POLA2: variants seen among roughly 807,000 people sequenced by gnomAD.
POLA2 encodes the protein DNA polymerase alpha 2, accessory subunit, also known as DNA polymerase alpha subunit B.
A neutral mutation model predicts 82.8 loss-of-function variants in POLA2; 47 were observed. The observed-to-expected ratio is 0.57, with a 90% confidence interval of 0.45 to 0.72. The LOEUF (loss-of-function observed/expected upper bound fraction) is 0.72, where lower values mean the gene tolerates loss of function less well. Ranked by LOEUF, POLA2 falls within the 30% of genes least tolerant of loss-of-function variation. The pLI, the probability that POLA2 is intolerant of heterozygous loss-of-function variation, is 0.00. For missense variants in POLA2, 634 were observed against 728.1 expected (o/e 0.87, Z 1.49); for synonymous variants, 287 against 286.8 (o/e 1.00, Z -0.01).
intron 5 of POLA2, among the ~76,000 whole-genome samples, chr11:65,277,875 C>T (rs76653319): frequency 2.0e-5 from 3 of 152,134 alleles, no homozygotes; most frequent in Non-Finnish European, 4.4e-5. Context: ...AAACTATTCA[C>T]GTAGAGGTGG....
chr11:65,295,866 A>G lies in POLA2; in HGVS notation c.1523A>G (p.Tyr508Cys). Residue 508 changes from tyrosine to cysteine, a missense_variant and splice_region_variant, in exon 17 of 18, where the codon TAC (tyrosine) becomes TGC (cysteine). By Grantham distance (194) the Tyr-to-Cys change is radical (BLOSUM62 -2). Coordinates refer to ENST00000265465, the MANE Select transcript of POLA2 (RefSeq NM_002689.4). ...ACAATTTCTCTCTGTCTCTGTAGCTACTACCCACTCTACCCGCCCCAAGAA... is the reference window on the plus strand; with the variant it reads ...ACAATTTCTCTCTGTCTCTGTAGCTGCTACCCACTCTACCCGCCCCAAGAA... ...ILKHILTQRS[Y>C]YPLYPPQEDM... 1.9e-6 allele frequency: 3 copies of G among 1,611,130 alleles called. No homozygotes were observed. The highest frequency in any genetic ancestry group is 1.1e-5 in the South Asian group (1 of 91,030).
In POLA2 at chr11:65,294,231, C is replaced by T; in HGVS notation, c.1323C>T (p.Ser441=). 6.2e-7 allele frequency: 1 copy of T among 1,614,118 alleles called. No individual in the cohort carries two copies. Among genetic ancestry groups the T allele is most frequent in the Non-Finnish European group, 8.5e-7 (1 of 1,179,976 alleles). The change falls in exon 14 of 18, where the codon AGC becomes AGT. Residue 441 remains serine (S), a synonymous_variant. Transcript: ENST00000265465. ...CTGTGTACCCCCAGCCGCCTTTCAGCTACTCCGATCTGTCTCGAGAGGACA... is the reference window on the plus strand; with the variant it reads ...CTGTGTACCCCCAGCCGCCTTTCAGTTACTCCGATCTGTCTCGAGAGGACA... ...HEPVYPQPPF[S]YSDLSREDKK... is the part of the protein sequence containing the mutation.
At chr11:65,298,842 C>T (rs1949840702), downstream of POLA2, among the ~76,000 whole-genome samples, 1 of 152,210 alleles carries the variant, frequency 6.6e-6, no homozygotes, top group Non-Finnish European at 1.5e-5. Context: ...CATGACTTGT[C>T]AGCCTCCGGA....
At chr11:65,275,833 C>T in intron 4 of POLA2, 59 bp from the exon 5 acceptor site, 3 of 945,258 alleles carry the variant, frequency 3.2e-6, no homozygotes, top group Non-Finnish European at 5.1e-6. Context: ...AGGTACTATA[C>T]ACTTAATTAG....
rs750477875 is a variant in POLA2, at chr11:65,262,378, C to T, written c.79+7C>T. On this transcript the variant is annotated splice_region_variant and intron_variant, in intron 1 of 17. Coordinates refer to ENST00000265465, the MANE Select transcript of POLA2 (RefSeq NM_002689.4). ...GAGGCTCTAATTGAGAAATGTGAGT[C>T]CCGCACCCCTCCCGCCCTGCAGCCG... is the stretch of plus-strand genomic sequence containing the variant. 6.8e-6 allele frequency: 11 copies of T among 1,609,180 alleles called. No homozygotes were observed. In the Admixed American group the frequency reaches 1.0e-4, roughly 15 times the overall value.
At position 65,266,616 on chromosome 11, in the gene POLA2, G is replaced by T; in HGVS notation, c.114G>T (p.Glu38Asp). Residue 38 changes from glutamate (E) to aspartate (D), a missense_variant, in exon 2 of 18, where the codon GAG (glutamate) becomes GAT (aspartate). Glu to Asp is a conservative substitution (Grantham distance 45). Coordinates refer to ENST00000265465, the MANE Select transcript of POLA2 (RefSeq NM_002689.4). ...VELCVQYGQNEEGMVGELIAF... is the reference protein window; with the variant it reads ...VELCVQYGQNDEGMVGELIAF... ...TTTGTGTTCAGTATGGACAGAATGA[G>T]GAGGGAATGGTAGGCGAGCTTATAG... The T allele has an allele frequency of 6.2e-7, 1 of 1,614,092 alleles. No individual in the cohort carries two copies. The highest frequency in any genetic ancestry group is 8.5e-7 in the Non-Finnish European group (1 of 1,179,916).
rs1260901830 is a variant in POLA2, at chr11:65,267,548, C to T, written c.276C>T (p.Asp92=). 1 of 1,607,254 alleles carries T rather than the reference C, an allele frequency of 6.2e-7. No homozygotes were observed. Among genetic ancestry groups the T allele is most frequent in the East Asian group, 2.2e-5 (1 of 44,798 alleles). The change falls in exon 3 of 18, where the codon GAC becomes GAT. Residue 92 remains aspartate (D), a synonymous_variant. Coordinates refer to ENST00000265465, the MANE Select transcript of POLA2 (RefSeq NM_002689.4). ...CKDSGHAGAR[D]IVSIQELIEV... The stretch of plus-strand genomic sequence containing the variant: ...ACAGTGGCCATGCAGGAGCTAGAGA[C>T]ATTGTTTCCATTCAAGAGCTGTATC...
chr11:65,284,149 A>T (rs185551259), intron 10 of POLA2, among the ~76,000 whole-genome samples: 8 of 151,606 alleles, frequency 5.3e-5, no homozygotes, highest in African/African-American at 1.9e-4. Flanking sequence ...ATAGATAGAT[A>T]GATAGATAGA....
At chr11:65,264,569 A>T (rs1003035355) in intron 1 of POLA2, among the ~76,000 whole-genome samples, 2 of 151,768 alleles carry the variant, frequency 1.3e-5, no homozygotes, top group African/African-American at 4.8e-5. Context: ...TCCCACCCTC[A>T]CTCTCAGCTG....
chr11:65,302,258 G>A (rs1010262311), downstream of POLA2, among the ~76,000 whole-genome samples: 5 of 152,282 alleles, frequency 3.3e-5, no homozygotes, highest in East Asian at 1.9e-4. Flanking sequence ...GAGCATTTTC[G>A]TGCTGAGTCA....
Position 65,289,023 on chromosome 11 carries a change from T to C in POLA2, c.1132-27T>C, listed in dbSNP as rs1327495440. 2.5e-6 allele frequency: 4 copies of C among 1,609,588 alleles called. No individual in the cohort carries two copies. In the East Asian group the frequency reaches 6.7e-5, roughly 27 times the overall value. The stretch of plus-strand genomic sequence containing the variant: ...ACACAAGTGATTCTGATTTGTTCTT[T>C]TGGTGTCTTTGTTTCTCCCCTTGCA... On this transcript the variant is annotated intron_variant, in intron 11 of 17. Transcript: ENST00000265465.
intron 11 of POLA2, 62 bp downstream of exon 11, chr11:65,287,902 T>C: frequency 1.3e-6 from 2 of 1,541,758 alleles, no homozygotes; most frequent in Non-Finnish European, 1.8e-6. Context: ...AATGAAGTTC[T>C]AAATTTTTAG....
intron 4 of POLA2, among the ~76,000 whole-genome samples, chr11:65,275,063 A>AT (rs532651521): frequency 2.5e-4 from 37 of 150,504 alleles, no homozygotes; most frequent in African/African-American, 6.3e-4. Flanking sequence ...AGAATAAGGG[A>AT]TTTTTTTTTT....
At chr11:65,281,602 CA>C in intron 8 of POLA2, 67 bp from the exon 9 acceptor site, 1 of 1,156,948 alleles carries the variant, frequency 8.6e-7, no homozygotes, top group South Asian at 1.2e-5. Context: ...TTAACTGCCT[CA>C]AAATAATGTA....
chr11:65,288,025 G>C (rs892781282), intron 11 of POLA2, among the ~76,000 whole-genome samples, 185 bp downstream of exon 11: 5 of 151,950 alleles, frequency 3.3e-5, no homozygotes, highest in Non-Finnish European at 5.9e-5. Flanking sequence ...CCCAACTTTG[G>C]CCGGGCGCAG....
downstream of POLA2, among the ~76,000 whole-genome samples, chr11:65,298,844 G>T (rs1317986909): frequency 6.6e-6 from 1 of 152,198 alleles, no homozygotes; most frequent in Admixed American, 6.5e-5. Flanking sequence ...TGACTTGTCA[G>T]CCTCCGGATG....
intron 15 of POLA2, 25 bp downstream of exon 15, chr11:65,294,677 A>G (rs887419496): frequency 2.7e-6 from 4 of 1,502,774 alleles, no homozygotes; most frequent in Non-Finnish European, 2.8e-6. Flanking sequence ...CCAGGCCCCA[A>G]GCAGGATGAC....
intron 4 of POLA2, 94 bp downstream of exon 4, chr11:65,268,823 C>A: frequency 2.7e-6 from 2 of 737,618 alleles, no homozygotes; most frequent in South Asian, 1.9e-5. Flanking sequence ...ATCAACCACT[C>A]TCATGCATTT....
chr11:65,262,249 C>G lies in POLA2; in HGVS notation c.-44C>G, dbSNP rs757467197. ...CCCCGTGGGCTTCTTGGGCGCAGGT[C>G]GGAGCTGGGTGGGCCGGCTCCCCGG... On this transcript the variant is annotated 5_prime_UTR_variant, in exon 1 of 18. Coordinates refer to ENST00000265465, the MANE Select transcript of POLA2 (RefSeq NM_002689.4). 6.5e-7 allele frequency: 1 copy of G among 1,539,434 alleles called. No individual in the cohort carries two copies. Among genetic ancestry groups the G allele is most frequent in the Non-Finnish European group, 8.9e-7 (1 of 1,120,260 alleles).
Sources: allele counts gnomAD v4.1 joint callset (sites outside exome capture counted in the v4.1 genomes callset), GRCh38; gene constraint gnomAD v4.1.1; transcripts MANE v1.5; gene names NCBI Gene and HGNC (gene_info 2026-07-23, HGNC 2026-07-21).